Variants in PGAP3 observed in about 807,000 individuals in gnomAD.
The protein encoded by PGAP3 is GPI-specific phospholipase A2-like PGAP3.
Under a neutral mutation model 40.3 loss-of-function variants are expected in PGAP3, and 31 were observed. That is an observed-to-expected ratio of 0.77 (90% CI 0.58 to 1.04). PGAP3 has a LOEUF of 1.04. PGAP3 is among the 50% of genes least tolerant of loss of function. The pLI is 0.00. For missense variants in PGAP3, 413 were observed against 423.0 expected (o/e 0.98, Z 0.21); for synonymous variants, 191 against 184.5 (o/e 1.04, Z -0.29).
At chr17:39,680,612 G>C (rs956343116) in intron 3 of PGAP3, among the ~76,000 whole-genome samples, 1 of 152,088 alleles carries the variant, frequency 6.6e-6, no homozygotes, top group Admixed American at 6.5e-5. Flanking sequence ...CAGTTCTCAC[G>C]TGTACAATTC....
Position 39,672,690 on chromosome 17 carries a change from A to T in PGAP3, c.*113T>A, listed in dbSNP as rs1324792596. On this transcript the variant is annotated 3_prime_UTR_variant, in exon 8 of 8. Transcript: ENST00000300658. ...ACATGATTCTGGGCCCACATCCTTCATGTCCAAGTTCAAGAAGTTGAAAAG... is the reference window on the plus strand; with the variant it reads ...ACATGATTCTGGGCCCACATCCTTCTTGTCCAAGTTCAAGAAGTTGAAAAG... 1 of 1,110,958 alleles carries T rather than the reference A, an allele frequency of 9.0e-7. No homozygotes were observed. The allele number at this position is 1,110,958 out of a possible 1,614,324, so 68.8% of individuals were successfully genotyped here.
rs750385176 is a variant in PGAP3, at chr17:39,687,818, T to TG, written c.181+15dup. 2.9e-6 allele frequency: 4 copies of TG among 1,356,138 alleles called. No homozygotes were observed. Among genetic ancestry groups the TG allele is most frequent in the Non-Finnish European group, 9.6e-7 (1 of 1,040,636 alleles). The allele number at this position is 1,356,138 out of a possible 1,614,324, so 84.0% of individuals were successfully genotyped here. A position where few individuals can be genotyped will look rare whatever the true frequency, so the allele number is the denominator to read the frequency against. The stretch of plus-strand genomic sequence containing the variant: ...CAAGACAAATGGGCGGGGCTTACCG[T>TG]GGGGGTGGGGCTTACCTGCTAGACT... On this transcript the variant is annotated intron_variant, in intron 1 of 7. Transcript: ENST00000300658.
intron 3 of PGAP3, among the ~76,000 whole-genome samples, chr17:39,675,702 G>C (rs1175118011): frequency 6.6e-6 from 1 of 152,202 alleles, no homozygotes; most frequent in African/African-American, 2.4e-5. Flanking sequence ...GTAGCAGGCA[G>C]GTCAGACAGT....
At position 39,684,555 on chromosome 17, in the gene PGAP3, C is replaced by G. The variant is rs746361172; in HGVS notation, c.432+42G>C. On this transcript the variant is annotated intron_variant, in intron 3 of 7. Coordinates refer to ENST00000300658, the MANE Select transcript of PGAP3 (RefSeq NM_033419.5). ...AATAGGGATGTAGAGCTCCACCTTC[C>G]TAGATAAGAGGAGACAGCAGGAGTC... is the stretch of plus-strand genomic sequence containing the variant. The G allele has an allele frequency of 1.0e-5, 16 of 1,564,988 alleles. No individual in the cohort carries two copies. The South Asian group carries it at 1.4e-4, about 14-fold the overall frequency.
chr17:39,672,896 C>G, intron 7 of PGAP3, 30 bp from the exon 8 acceptor site: 1 of 1,610,260 alleles, frequency 6.2e-7, no homozygotes. Flanking sequence ...CCCATTGAGG[C>G]ACACAGCTCT....
intron 3 of PGAP3, among the ~76,000 whole-genome samples, chr17:39,682,860 C>T (rs2057460360): frequency 6.6e-6 from 1 of 151,980 alleles, no homozygotes; most frequent in African/African-American, 2.4e-5. Flanking sequence ...GGGCGGATCA[C>T]GAGGTCAGGA....
Position 39,673,529 on chromosome 17 carries a change from C to T in PGAP3, c.679G>A (p.Ala227Thr). 1 of 1,614,050 alleles carries T rather than the reference C, an allele frequency of 6.2e-7. No homozygotes were observed. The highest frequency in any genetic ancestry group is 1.3e-5 in the African/African-American group (1 of 75,020). ...IRFDYGYNLV[A>T]NVAIGLVNVV... Reference sequence around the variant, plus strand: ...AGGGCCTCACCAATAGCCACGTTGGCCACCAGGTTGTAGCCATAGTCGAAG... The same window carrying T: ...AGGGCCTCACCAATAGCCACGTTGGTCACCAGGTTGTAGCCATAGTCGAAG... The change falls in exon 6 of 8, where the codon GCC becomes ACC. Residue 227 changes from alanine (A) to threonine (T), a missense_variant. Coordinates refer to ENST00000300658, the MANE Select transcript of PGAP3 (RefSeq NM_033419.5).
intron 1 of PGAP3, 78 bp from the exon 2 acceptor site, chr17:39,686,097 A>C: frequency 1.6e-6 from 2 of 1,277,016 alleles, no homozygotes; most frequent in Admixed American, 1.9e-5. Context: ...TCCAAGCGCA[A>C]ATGTAGGCCA....
intron 4 of PGAP3, 81 bp from the exon 5 acceptor site, chr17:39,674,135 G>A (rs2057346759): frequency 7.1e-7 from 1 of 1,403,974 alleles, no homozygotes; most frequent in Non-Finnish European, 1.0e-6. Context: ...TGGAGGAGTG[G>A]CAGAGAGGGG....
At chr17:39,679,510 A>C (rs916036971) in intron 3 of PGAP3, among the ~76,000 whole-genome samples, 2 of 152,180 alleles carry the variant, frequency 1.3e-5, no homozygotes, top group South Asian at 4.1e-4. Context: ...TCTCTAGTAG[A>C]GGTGGGGACA....
intron 3 of PGAP3, among the ~76,000 whole-genome samples, chr17:39,681,512 C>CT (rs568857897): frequency 8.1e-5 from 12 of 148,974 alleles, no homozygotes; most frequent in East Asian, 2.0e-4. Context: ...CAAACTGAAA[C>CT]TTTTTTTTTT....
intron 3 of PGAP3, among the ~76,000 whole-genome samples, chr17:39,682,794 G>T (rs764886870): frequency 6.6e-6 from 1 of 152,022 alleles, no homozygotes; most frequent in Non-Finnish European, 1.5e-5. Flanking sequence ...AAATCCCTCC[G>T]TAGGCCGAGC....
intron 1 of PGAP3, among the ~76,000 whole-genome samples, chr17:39,687,246 C>A (rs756271469): frequency 2.4e-4 from 36 of 152,212 alleles, no homozygotes; most frequent in Admixed American, 1.5e-3. Flanking sequence ...TAATCCCCAT[C>A]TGTAAAACTG....
At chr17:39,679,851 C>A (rs2057418062) in intron 3 of PGAP3, among the ~76,000 whole-genome samples, 1 of 152,194 alleles carries the variant, frequency 6.6e-6, no homozygotes, top group African/African-American at 2.4e-5. Context: ...AATTCAATCC[C>A]CTGTCCCCAC....
At chr17:39,673,818 G>A in intron 5 of PGAP3, 168 bp from the exon 6 acceptor site, 1 of 1,212,810 alleles carries the variant, frequency 8.2e-7, no homozygotes, top group Non-Finnish European at 1.2e-6. Flanking sequence ...TCCTTGTCAG[G>A]AGCCAGGGCC....
chr17:39,680,462 T>C (rs1309731369), intron 3 of PGAP3, among the ~76,000 whole-genome samples: 1 of 152,258 alleles, frequency 6.6e-6, no homozygotes, highest in East Asian at 1.9e-4. Flanking sequence ...TCCCAGAGGT[T>C]TAACAGCCTC....
chr17:39,675,295 G>A (rs1442232773), intron 3 of PGAP3, among the ~76,000 whole-genome samples: 1 of 152,094 alleles, frequency 6.6e-6, no homozygotes, highest in East Asian at 1.9e-4. Context: ...CAGGACTGGA[G>A]GGGCTGTGGT....
At position 39,673,050 on chromosome 17, in the gene PGAP3, C is replaced by T. The variant is rs2057327074; in HGVS notation, c.899+1G>A. On this transcript the variant is annotated splice_donor_variant, in intron 7 of 7. Coordinates refer to ENST00000300658, the MANE Select transcript of PGAP3 (RefSeq NM_033419.5). LOFTEE classifies it high-confidence loss of function. ...AGCACCAGGCAGGGGGCAGCACCCA[C>T]CTGAAAAAGAGGACGTGGACAGGGA... The T allele has an allele frequency of 6.2e-7, 1 of 1,602,986 alleles. No individual in the cohort carries two copies. Among genetic ancestry groups the T allele is most frequent in the Non-Finnish European group, 8.5e-7 (1 of 1,175,284 alleles).
In PGAP3 at chr17:39,687,893, C is replaced by A; in HGVS notation, c.122G>T (p.Cys41Phe). ...GAAGTGATTCAGAGCGCCCCCAGAG[C>A]AGTTCTGCTCTTCGCACTGCAGTAC... ...DCVLQCEEQN[C>F]SGGALNHFRS... Residue 41 changes from cysteine to phenylalanine, a missense_variant, in exon 1 of 8, where the codon TGC (cysteine) becomes TTC (phenylalanine). Coordinates refer to ENST00000300658, the MANE Select transcript of PGAP3 (RefSeq NM_033419.5). The A allele has an allele frequency of 6.6e-7, 1 of 1,512,578 alleles. No individual in the cohort carries two copies. The allele number at this position is 1,512,578 out of a possible 1,614,324, so 93.7% of individuals were successfully genotyped here. A position where few individuals can be genotyped will look rare whatever the true frequency, so the allele number is the denominator to read the frequency against.
Sources: gnomAD v4.1 joint callset for allele counts (sites outside exome capture counted in the v4.1 genomes callset) on GRCh38, gnomAD v4.1.1 for gene constraint, MANE v1.5 for transcripts, NCBI Gene and HGNC (gene_info 2026-07-23, HGNC 2026-07-21) for gene names.